The following RANGAP1 variants were observed in gnomAD, a reference collection of about 807,000 sequenced individuals.
The protein encoded by RANGAP1 is ran GTPase-activating protein 1.
RANGAP1 carries 38 observed loss-of-function variants against 63.5 expected under a neutral mutation model. That is an observed-to-expected ratio of 0.60 (90% CI 0.46 to 0.78). RANGAP1 has a LOEUF of 0.78. Among genes scored for constraint, RANGAP1 ranks in the 30% least tolerant of loss-of-function variants. The pLI, the probability that RANGAP1 is intolerant of heterozygous loss-of-function variation, is 0.00. For missense variants in RANGAP1, 630 were observed against 740.3 expected (o/e 0.85, Z 1.73); for synonymous variants, 329 against 310.5 (o/e 1.06, Z -0.63).
At chr22:41,296,647 C>CAAAA in the RANGAP1 span, among the ~76,000 whole-genome samples, 1 of 76,850 alleles carries the variant, frequency 1.3e-5, no homozygotes, top group African/African-American at 4.9e-5. Flanking sequence ...ACTCCATCTC[C>CAAAA]AAAAAAAAAA....
At chr22:41,247,077 A>G (rs538695002) in intron 15 of RANGAP1, among the ~76,000 whole-genome samples, 2 of 150,802 alleles carry the variant, frequency 1.3e-5, no homozygotes, top group African/African-American at 4.9e-5. Context: ...TTTTTTTGAG[A>G]CGGAGTCTCG....
intron 15 of RANGAP1, among the ~76,000 whole-genome samples, chr22:41,247,982 T>A (rs567803022): frequency 8.7e-4 from 132 of 152,296 alleles, no homozygotes; most frequent in African/African-American, 3.0e-3. Flanking sequence ...AAGAGGCACA[T>A]GCCCAGGCTT....
Position 41,257,854 on chromosome 22 carries a change from G to A in RANGAP1, c.774+94C>T. 2 of 1,399,286 alleles carry A rather than the reference G, an allele frequency of 1.4e-6. No homozygotes were observed. The highest frequency in any genetic ancestry group is 9.7e-7 in the Non-Finnish European group (1 of 1,030,708). 86.7% of individuals were successfully genotyped at this position (1,399,286 alleles called of 1,614,324 possible). Reference sequence around the variant, plus strand: ...CCCAGGGGGCAGGCAGGGGGTAGAGGAGTCCCTGCTAAACGGAGCCCCAGC... The same window carrying A: ...CCCAGGGGGCAGGCAGGGGGTAGAGAAGTCCCTGCTAAACGGAGCCCCAGC... On this transcript the variant is annotated intron_variant, in intron 7 of 15. Coordinates refer to ENST00000356244, the MANE Select transcript of RANGAP1 (RefSeq NM_002883.4). This position sits in a 1 kb window ranked among gnomAD's most constrained non-coding sequence, Gnocchi z 4.0.
chr22:41,256,039 T>G lies in RANGAP1; in HGVS notation c.1055A>C (p.Lys352Thr), dbSNP rs1210285723. ...QEVLEGFNMA[K>T]VLASLSDDED... The stretch of plus-strand genomic sequence containing the variant: ...TCCCTACCTGAGGGACGCCAGCACC[T>G]TGGCCATGTTGAAGCCCTCCAGCAC... The change falls in exon 10 of 16, where the codon AAG becomes ACG. Residue 352 changes from lysine to threonine, a missense_variant. Lys to Thr is a moderately conservative substitution (Grantham distance 78). Around this residue, in one of 3 missense-constraint regions of RANGAP1, gnomAD observed 428 missense variants for 465.5 expected, o/e 0.92. Transcript: ENST00000356244. 6.2e-7 allele frequency: 1 copy of G among 1,613,848 alleles called. No homozygotes were observed. Among genetic ancestry groups the G allele is most frequent in the Non-Finnish European group, 8.5e-7 (1 of 1,180,020 alleles).
In RANGAP1 at chr22:41,280,781, C is replaced by T. The variant is rs747712437; in HGVS notation, c.112+152G>A. ...GCTCCTGGGCAAATGATCTCTGAGC[C>T]TCATTGTTAGAATAGGCCCAATGAT... On this transcript the variant is annotated intron_variant, in intron 2 of 15. Coordinates refer to ENST00000356244, the MANE Select transcript of RANGAP1 (RefSeq NM_002883.4). The T allele has an allele frequency of 1.3e-5, 20 of 1,528,276 alleles. No individual in the cohort carries two copies. The Admixed American group carries it at 3.9e-4, about 30-fold the overall frequency. 94.7% of individuals were successfully genotyped at this position (1,528,276 alleles called of 1,614,324 possible).
intron 5 of RANGAP1, among the ~76,000 whole-genome samples, chr22:41,263,383 T>C (rs2034282752): frequency 6.6e-6 from 1 of 152,136 alleles, no homozygotes; most frequent in Non-Finnish European, 1.5e-5. Flanking sequence ...TGTTTGTTTG[T>C]TTGTTTGTTT....
chr22:41,258,655 CTTTTTTT>C (rs893614369), intron 6 of RANGAP1, among the ~76,000 whole-genome samples: 13 of 151,568 alleles, frequency 8.6e-5, no homozygotes, highest in African/African-American at 2.7e-4. Context: ...TTTCTTTTTT[CTTTTTTT>C]TTCCTTTTTT....
At chr22:41,272,312 GA>G (rs958873328) in intron 3 of RANGAP1, among the ~76,000 whole-genome samples, 23 of 152,280 alleles carry the variant, frequency 1.5e-4, no homozygotes, top group African/African-American at 5.5e-4. Context: ...CAGGAGAGCA[GA>G]AACAATCACT....
At chr22:41,296,783 C>T in the RANGAP1 span, among the ~76,000 whole-genome samples, 1 of 152,046 alleles carries the variant, frequency 6.6e-6, no homozygotes, top group Non-Finnish European at 1.5e-5. Flanking sequence ...GAGAGAGACA[C>T]ACACACAAAG....
intron 2 of RANGAP1, among the ~76,000 whole-genome samples, chr22:41,280,461 C>T (rs1010985582): frequency 6.6e-6 from 1 of 152,214 alleles, no homozygotes; most frequent in Non-Finnish European, 1.5e-5. Context: ...CATCCCTCTC[C>T]CAGGTACATC....
rs761229217 is a variant in RANGAP1, at chr22:41,274,676, C to T, written c.164G>A (p.Arg55His). The change falls in exon 3 of 16, where the codon CGT becomes CAT. Residue 55 changes from arginine to histidine, a missense_variant. Arg to His is a conservative substitution (Grantham distance 29). Coordinates refer to ENST00000356244, the MANE Select transcript of RANGAP1 (RefSeq NM_002883.4). ...IEDFDSLEAL[R>H]LEGNTVGVEA... The stretch of plus-strand genomic sequence containing the variant: ...CACGCCCACTGTGTTGCCTTCCAGA[C>T]GCAGAGCCTCCAAGCTGTCAAAGTC... 3.0e-5 allele frequency: 49 copies of T among 1,614,048 alleles called. No individual in the cohort carries two copies. Among genetic ancestry groups the T allele is most frequent in the African/African-American group, 1.1e-4 (8 of 74,920 alleles).
the RANGAP1 span, among the ~76,000 whole-genome samples, chr22:41,297,553 C>A: frequency 6.6e-6 from 1 of 151,712 alleles, no homozygotes; most frequent in Non-Finnish European, 1.5e-5. Flanking sequence ...CTCTGTCACC[C>A]AGGCTGGAGT....
chr22:41,255,294 G>A (rs1037240750), intron 10 of RANGAP1, among the ~76,000 whole-genome samples: 4 of 152,146 alleles, frequency 2.6e-5, no homozygotes, highest in Admixed American at 6.5e-5. Context: ...TCAGCTCAGG[G>A]CCTAGCACCG....
At chr22:41,295,092 G>GCCCGGCCAGCCTC in the RANGAP1 span, among the ~76,000 whole-genome samples, 2,457 of 148,630 alleles carry the variant, frequency 0.017, 68 homozygotes, top group African/African-American at 0.054. Flanking sequence ...TCAGCCCCCC[G>GCCCGGCCAGCCTC]CCCGGCCAGC....
chr22:41,286,932 A>G (rs965965156), upstream of RANGAP1, among the ~76,000 whole-genome samples: 1 of 152,256 alleles, frequency 6.6e-6, no homozygotes, highest in Non-Finnish European at 1.5e-5. Context: ...TGTCTGTATT[A>G]TGTAAGACAA....
intron 1 of RANGAP1, 117 bp downstream of exon 1, chr22:41,285,869 G>T (rs765169877): frequency 3.9e-6 from 1 of 253,910 alleles, no homozygotes; most frequent in Non-Finnish European, 6.2e-6. Context: ...GCCGTCGAAG[G>T]CTAAGTGAAG....
chr22:41,246,019 C>G lies in RANGAP1; in HGVS notation c.*584G>C, dbSNP rs1334805012. 6.5e-6 allele frequency: 1 copy of G among 153,642 alleles called. No homozygotes were observed. The highest frequency in any genetic ancestry group is 2.4e-5 in the African/African-American group (1 of 41,480). 9.5% of individuals were successfully genotyped at this position (153,642 alleles called of 1,614,324 possible). ...GGGTTGCCCTCTGCCAACAACCCCA[C>G]GATCCGACCCCCACAGTCCCACCCA... is the stretch of plus-strand genomic sequence containing the variant. On this transcript the variant is annotated 3_prime_UTR_variant, in exon 16 of 16. Coordinates refer to ENST00000356244, the MANE Select transcript of RANGAP1 (RefSeq NM_002883.4).
intron 12 of RANGAP1, among the ~76,000 whole-genome samples, chr22:41,252,236 A>G (rs1345419545): frequency 6.6e-6 from 1 of 152,160 alleles, no homozygotes; most frequent in Non-Finnish European, 1.5e-5. Context: ...CAGGAGGCAG[A>G]GTCTGCAGTG....
At chr22:41,262,478 T>C (rs970414093) in intron 5 of RANGAP1, among the ~76,000 whole-genome samples, 2 of 152,140 alleles carry the variant, frequency 1.3e-5, no homozygotes. Context: ...ACTTTACAGA[T>C]GAGGAAGCTG....
Sources: gnomAD v4.1 joint callset for allele counts (sites outside exome capture counted in the v4.1 genomes callset) on GRCh38, gnomAD v4.1.1 for gene constraint, gnomAD v4.1.1 regional missense constraint, Gnocchi (gnomAD v3.1) non-coding constraint, MANE v1.5 for transcripts, NCBI Gene and HGNC (gene_info 2026-07-23, HGNC 2026-07-21) for gene names.